TCF7L2: variants seen among roughly 807,000 people sequenced by gnomAD.
TCF7L2 encodes the protein transcription factor 7-like 2.
In TCF7L2, 23 loss-of-function variants were observed where a neutral mutation model predicts 77.9. That is an observed-to-expected ratio of 0.30 (90% CI 0.21 to 0.42). TCF7L2 has a LOEUF of 0.42. TCF7L2 is among the 10% of genes least tolerant of loss of function. TCF7L2 has a pLI of 1.00. For synonymous variants in TCF7L2, 413 were observed against 340.2 expected, an observed-to-expected ratio of 1.21 and a Z score of -2.36; for missense variants, 654 against 793.1, an observed-to-expected ratio of 0.82 and a Z score of 2.11.
At chr10:113,076,393 C>T (rs1285864377) in intron 5 of TCF7L2, among the ~76,000 whole-genome samples, 1 of 152,196 alleles carries the variant, frequency 6.6e-6, no homozygotes, top group Non-Finnish European at 1.5e-5. Context: ...TTGCCTTTGC[C>T]TCCCAAAGTG....
chr10:113,099,185 A>C (rs1331240634), intron 5 of TCF7L2, among the ~76,000 whole-genome samples: 1 of 88,532 alleles, frequency 1.1e-5, no homozygotes, highest in Non-Finnish European at 3.2e-5. Flanking sequence ...AACAGTGGCC[A>C]AAGAAAAAAA....
chr10:112,966,327 A>G (rs1281764513), intron 4 of TCF7L2, among the ~76,000 whole-genome samples: 1 of 151,286 alleles, frequency 6.6e-6, no homozygotes, highest in East Asian at 1.9e-4. Flanking sequence ...TCCAAGACTG[A>G]CATGTCTTTA....
chr10:113,029,693 AT>A (rs1426419341), intron 4 of TCF7L2, among the ~76,000 whole-genome samples: 6 of 151,802 alleles, frequency 4.0e-5, no homozygotes, highest in African/African-American at 1.5e-4. Context: ...CGTCCAGCTA[AT>A]TTTTGTATTT....
intron 5 of TCF7L2, among the ~76,000 whole-genome samples, chr10:113,067,174 A>G (rs1469344936): frequency 1.3e-5 from 2 of 152,226 alleles, no homozygotes; most frequent in African/African-American, 4.8e-5. Context: ...ATATTATGTG[A>G]ATTGGACAAT....
Position 113,144,090 on chromosome 10 carries a change from GTGTGTGTGTC to G in TCF7L2, c.788+75_788+84del, listed in dbSNP as rs1261539040. ...CATGGGCATGTTTATTATTTATTCT[GTGTGTGTGTC>G]TGTGTGTGTGTGTGTGTGTGTGTGT... is the stretch of plus-strand genomic sequence containing the variant. On this transcript the variant is annotated intron_variant, in intron 7 of 13. Coordinates refer to ENST00000627217, the MANE Select transcript of TCF7L2 (RefSeq NM_001146274.2). 196 of 1,065,326 alleles carry G rather than the reference GTGTGTGTGTC, an allele frequency of 1.8e-4. No individual in the cohort carries two copies. The African/African-American group carries it at 2.1e-3, about 11-fold the overall frequency. The allele number at this position is 1,065,326 out of a possible 1,614,324, so 66.0% of individuals were successfully genotyped here. A position where few individuals can be genotyped will look rare whatever the true frequency, so the allele number is the denominator to read the frequency against.
intron 5 of TCF7L2, among the ~76,000 whole-genome samples, chr10:113,076,541 A>G (rs2058722057): frequency 6.6e-6 from 1 of 152,208 alleles, no homozygotes; most frequent in South Asian, 2.1e-4. Context: ...GCTCCAGATT[A>G]CCTTGTAGGA....
At chr10:113,132,350 A>G (rs536862467) in intron 5 of TCF7L2, among the ~76,000 whole-genome samples, 1 of 152,342 alleles carries the variant, frequency 6.6e-6, no homozygotes, top group Admixed American at 6.5e-5. Flanking sequence ...AGAAAAACAA[A>G]AGACCTTTTT....
intron 11 of TCF7L2, among the ~76,000 whole-genome samples, chr10:113,153,668 G>A (rs950681159): frequency 1.3e-5 from 2 of 152,226 alleles, no homozygotes; most frequent in African/African-American, 2.4e-5. Flanking sequence ...CCATTGGCCA[G>A]AGCTAGTCAT....
Position 113,167,288 on chromosome 10 carries a change from C to A in TCF7L2, c.*1316C>A, listed in dbSNP as rs894473319. 42 of 227,480 alleles carry A rather than the reference C, an allele frequency of 1.8e-4. No individual in the cohort carries two copies. Among genetic ancestry groups the A allele is most frequent in the African/African-American group, 8.9e-4 (40 of 45,044 alleles). The allele number at this position is 227,480 out of a possible 1,614,324, so 14.1% of individuals were successfully genotyped here. On this transcript the variant is annotated 3_prime_UTR_variant, in exon 14 of 14. Transcript: ENST00000627217. ...TTCTGTATATTAGATTACTCTTAAA[C>A]GAAAAACCAGCTGCCGCTTTTATGT...
chr10:113,087,753 C>T (rs763500062), intron 5 of TCF7L2, among the ~76,000 whole-genome samples: 2 of 152,150 alleles, frequency 1.3e-5, no homozygotes, highest in South Asian at 2.1e-4. Context: ...CTGCAGCCAG[C>T]GTGGGCCCTG....
chr10:112,960,181 G>A lies in TCF7L2; in HGVS notation c.382-4375G>A, dbSNP rs117660431. Among the ~76,000 whole-genome samples the A allele has an allele frequency of 6.4e-3, 970 of 152,268 alleles. 8 individuals are homozygous for A. Among genetic ancestry groups the A allele is most frequent in the East Asian group, 0.014 (71 of 5,186 alleles). On this transcript the variant is annotated intron_variant, in intron 3 of 13. Transcript: ENST00000627217. ...AATTGTCTTTGAGGAGGAGATTCCT[G>A]TGGTTGAAAAAAGCTGTTTCCCATT...
chr10:113,166,375 T>G lies in TCF7L2; in HGVS notation c.*403T>G, dbSNP rs2074040454. The G allele has an allele frequency of 4.3e-6, 1 of 230,398 alleles. No homozygotes were observed. The highest frequency in any genetic ancestry group is 5.7e-5 in the Admixed American group (1 of 17,594). 14.3% of individuals were successfully genotyped at this position (230,398 alleles called of 1,614,324 possible). On this transcript the variant is annotated 3_prime_UTR_variant, in exon 14 of 14. Coordinates refer to ENST00000627217, the MANE Select transcript of TCF7L2 (RefSeq NM_001146274.2). Reference sequence around the variant, plus strand: ...GGAGTTGGTTCTGTATTATTTGTATTAAATACGAGCTTGCGAACCAATCAT... The same window carrying G: ...GGAGTTGGTTCTGTATTATTTGTATGAAATACGAGCTTGCGAACCAATCAT...
intron 5 of TCF7L2, among the ~76,000 whole-genome samples, chr10:113,103,425 A>G (rs1028795685): frequency 1.3e-5 from 2 of 152,194 alleles, no homozygotes; most frequent in African/African-American, 4.8e-5. Flanking sequence ...ACAGTTCTAC[A>G]ATTGTTACCA....
intron 4 of TCF7L2, among the ~76,000 whole-genome samples, chr10:112,996,223 A>G (rs1230510056): frequency 6.6e-6 from 1 of 152,102 alleles, no homozygotes; most frequent in Non-Finnish European, 1.5e-5. Context: ...AATGTTGTGC[A>G]TTGAGAAAAA....
chr10:112,961,293 A>C (rs2035147247), intron 3 of TCF7L2, among the ~76,000 whole-genome samples: 1 of 115,350 alleles, frequency 8.7e-6, no homozygotes. Context: ...AAGCGCTGGG[A>C]TTACAGGCGT....
intron 8 of TCF7L2, among the ~76,000 whole-genome samples, chr10:113,147,956 T>C (rs774076348): frequency 6.6e-6 from 1 of 152,076 alleles, no homozygotes; most frequent in African/African-American, 2.4e-5. Flanking sequence ...AAATGAAAGA[T>C]AGCTAGTTAA....
At chr10:112,958,011 C>T (rs2034120813) in intron 3 of TCF7L2, among the ~76,000 whole-genome samples, 1 of 152,152 alleles carries the variant, frequency 6.6e-6, no homozygotes. Flanking sequence ...GAAAGGTTTT[C>T]TTTTCTAATC....
chr10:113,072,586 C>G (rs1158075414), intron 5 of TCF7L2, among the ~76,000 whole-genome samples: 1 of 152,158 alleles, frequency 6.6e-6, no homozygotes, highest in Non-Finnish European at 1.5e-5. Context: ...AACTCCTGAC[C>G]TCAGGTGAGC....
At chr10:113,082,521 C>T (rs373044266) in intron 5 of TCF7L2, among the ~76,000 whole-genome samples, 8 of 152,200 alleles carry the variant, frequency 5.3e-5, no homozygotes, top group East Asian at 3.9e-4. Context: ...AATTCCTATT[C>T]ATGATGCCAT....
Sources: allele counts gnomAD v4.1 joint callset (sites outside exome capture counted in the v4.1 genomes callset), GRCh38; gene constraint gnomAD v4.1.1; transcripts MANE v1.5; gene names NCBI Gene and HGNC (gene_info 2026-07-23, HGNC 2026-07-21).